Variants in CDH6 observed in about 807,000 individuals in gnomAD.
The protein encoded by CDH6 is cadherin-6.
In CDH6, 31 loss-of-function variants were observed where a neutral mutation model predicts 78.0. The ratio of observed to expected loss-of-function variants is 0.40; its 90% CI spans 0.30 to 0.54. CDH6 has a LOEUF of 0.54. CDH6 is among the 20% of genes least tolerant of loss of function. CDH6 has a pLI of 0.56. For missense variants in CDH6, 724 were observed against 975.9 expected, an observed-to-expected ratio of 0.74 and a Z score of 3.44; for synonymous variants, 376 against 368.8, an observed-to-expected ratio of 1.02 and a Z score of -0.23.
intron 1 of CDH6, among the ~76,000 whole-genome samples, chr5:31,214,480 G>A (rs57526764): frequency 0.017 from 2,531 of 152,230 alleles, 78 homozygotes; most frequent in African/African-American, 0.058. Context: ...GTCAAAGGAT[G>A]ACTGCTCTCT....
At chr5:31,320,447 G>A (rs957256937) in intron 11 of CDH6, among the ~76,000 whole-genome samples, 3 of 152,112 alleles carry the variant, frequency 2.0e-5, no homozygotes, top group African/African-American at 2.4e-5. Context: ...CTTGCCTTAC[G>A]TGACTGAATG....
chr5:31,290,959 A>T (rs1400509178), intron 2 of CDH6, among the ~76,000 whole-genome samples: 1 of 152,196 alleles, frequency 6.6e-6, no homozygotes, highest in East Asian at 1.9e-4. Flanking sequence ...CTGCCCTTTA[A>T]CATTGTTTCG....
intron 1 of CDH6, among the ~76,000 whole-genome samples, chr5:31,238,026 C>T (rs1741498929): frequency 6.6e-6 from 1 of 152,172 alleles, no homozygotes; most frequent in Admixed American, 6.5e-5. Context: ...CCTTTCTCTT[C>T]CTTTGGCTCT....
Position 31,326,680 on chromosome 5 carries a change from A to ATT in CDH6, c.*3372_*3373insTT, listed in dbSNP as rs750696655. 2,666 of 130,160 alleles carry ATT rather than the reference A, an allele frequency of 0.02. 250 individuals are homozygous for ATT. The highest frequency in any genetic ancestry group is 0.059 in the African/African-American group (2,038 of 34,258). The allele number at this position is 130,160 out of a possible 1,614,324, so 8.1% of individuals were successfully genotyped here. On this transcript the variant is annotated 3_prime_UTR_variant, in exon 12 of 12. Coordinates refer to ENST00000265071, the MANE Select transcript of CDH6 (RefSeq NM_004932.4). ...CAAAGAGTTGTGCAGAAAATCTTAAAATTTTTTTTTTTTTTTTTTTTTTTT... is the reference window on the plus strand; with the variant it reads ...CAAAGAGTTGTGCAGAAAATCTTAAATTATTTTTTTTTTTTTTTTTTTTTTTT...
intron 1 of CDH6, among the ~76,000 whole-genome samples, chr5:31,197,723 G>T (rs1045179544): frequency 2.6e-5 from 4 of 152,140 alleles, no homozygotes; most frequent in African/African-American, 7.2e-5. Flanking sequence ...CAGAAATGCA[G>T]CATATGGGCT....
intron 1 of CDH6, among the ~76,000 whole-genome samples, chr5:31,223,201 A>G (rs1214404325): frequency 6.6e-6 from 1 of 152,188 alleles, no homozygotes; most frequent in Non-Finnish European, 1.5e-5. Context: ...TTTATTTAGA[A>G]GCCCTTTTAA....
rs1044209258 is a variant in CDH6, at chr5:31,242,317, T to A, written c.-128-25029T>A. Among the ~76,000 whole-genome samples the A allele has an allele frequency of 2.0e-5, 3 of 152,164 alleles. No homozygotes were observed. In the South Asian group the frequency reaches 6.2e-4, roughly 32 times the overall value. On this transcript the variant is annotated intron_variant, in intron 1 of 11. Transcript: ENST00000265071. Reference sequence around the variant, plus strand: ...GCTCTAGATTGAGCTCTAGATCAGCTAAATGTTAATCACTAGATCAGAGCA... The same window carrying A: ...GCTCTAGATTGAGCTCTAGATCAGCAAAATGTTAATCACTAGATCAGAGCA...
intron 1 of CDH6, among the ~76,000 whole-genome samples, chr5:31,241,816 G>A (rs1157456204): frequency 6.6e-6 from 1 of 152,192 alleles, no homozygotes; most frequent in Non-Finnish European, 1.5e-5. Context: ...AAAGCAGGTT[G>A]GAAATTATAG....
At chr5:31,252,861 C>T (rs115696054) in intron 1 of CDH6, among the ~76,000 whole-genome samples, 5 of 151,908 alleles carry the variant, frequency 3.3e-5, no homozygotes, top group African/African-American at 7.2e-5. Flanking sequence ...ATGTGCTAGT[C>T]TCATATGGCT....
At chr5:31,202,354 GC>G (rs1224033459) in intron 1 of CDH6, among the ~76,000 whole-genome samples, 2 of 152,114 alleles carry the variant, frequency 1.3e-5, no homozygotes, top group Non-Finnish European at 2.9e-5. Context: ...ATATTTGCAG[GC>G]CGGGCATGGT....
At chr5:31,305,148 C>T in intron 6 of CDH6, 26 bp from the exon 7 acceptor site, 1 of 1,595,516 alleles carries the variant, frequency 6.3e-7, no homozygotes, top group Non-Finnish European at 8.5e-7. Context: ...AAATATGTCA[C>T]TTCTTCCCCC....
chr5:31,202,679 C>T (rs1183816959), intron 1 of CDH6, among the ~76,000 whole-genome samples: 2 of 150,738 alleles, frequency 1.3e-5, no homozygotes, highest in African/African-American at 4.9e-5. Context: ...ATATATGCAA[C>T]TGTATGTATA....
At chr5:31,231,394 C>T (rs745578626) in intron 1 of CDH6, among the ~76,000 whole-genome samples, 3 of 152,182 alleles carry the variant, frequency 2.0e-5, no homozygotes, top group Non-Finnish European at 4.4e-5. Flanking sequence ...ATATTTAAAG[C>T]AGTTCCAGCT....
chr5:31,207,794 G>A (rs1740574794), intron 1 of CDH6, among the ~76,000 whole-genome samples: 2 of 152,108 alleles, frequency 1.3e-5, no homozygotes, highest in Non-Finnish European at 1.5e-5. Flanking sequence ...GATTTCTTTG[G>A]ATACATCGAG....
intron 1 of CDH6, among the ~76,000 whole-genome samples, chr5:31,204,540 T>C (rs1000717336): frequency 6.6e-6 from 1 of 152,240 alleles, no homozygotes; most frequent in Non-Finnish European, 1.5e-5. Context: ...GTAGGCTGGA[T>C]TAATTGGGCA....
intron 2 of CDH6, among the ~76,000 whole-genome samples, chr5:31,269,864 T>C (rs566176670): frequency 2.0e-5 from 3 of 152,250 alleles, no homozygotes; most frequent in East Asian, 3.9e-4. Context: ...CTTGTAGTTA[T>C]AACACATGAG....
intron 1 of CDH6, among the ~76,000 whole-genome samples, chr5:31,239,881 C>G (rs961067724): frequency 3.3e-5 from 5 of 152,196 alleles, no homozygotes; most frequent in Non-Finnish European, 7.4e-5. Context: ...CTACCCCTCT[C>G]TCTAGTCTAG....
At chr5:31,237,264 C>T (rs1347675736) in intron 1 of CDH6, among the ~76,000 whole-genome samples, 1 of 152,074 alleles carries the variant, frequency 6.6e-6, no homozygotes, top group Non-Finnish European at 1.5e-5. Context: ...TCAGTAGACT[C>T]TCAAGGGCAT....
At chr5:31,249,697 A>G (rs1432110212) in intron 1 of CDH6, 2 of 151,878 alleles carry the variant, frequency 1.3e-5, no homozygotes, top group Non-Finnish European at 2.9e-5. Flanking sequence ...CTCTGAATCC[A>G]TCAGGGTCTT....
Sources: gnomAD v4.1 joint callset for allele counts (sites outside exome capture counted in the v4.1 genomes callset) on GRCh38, gnomAD v4.1.1 for gene constraint, MANE v1.5 for transcripts, NCBI Gene and HGNC (gene_info 2026-07-23, HGNC 2026-07-21) for gene names.